Variants in MRTFB observed in about 807,000 individuals in gnomAD.
The protein encoded by MRTFB is myocardin-related transcription factor B.
MRTFB carries 29 observed loss-of-function variants against 104.2 expected under a neutral mutation model. The ratio of observed to expected loss-of-function variants is 0.28; its 90% CI spans 0.21 to 0.38. The LOEUF is 0.38. Ranked by LOEUF, MRTFB falls within the 10% of genes least tolerant of loss-of-function variation. The pLI is 1.00. For synonymous variants in MRTFB, 535 were observed against 519.5 expected, an observed-to-expected ratio of 1.03 and a Z score of -0.41; for missense variants, 1,270 against 1,341.6, an observed-to-expected ratio of 0.95 and a Z score of 0.83.
the MRTFB span, among the ~76,000 whole-genome samples, chr16:14,034,286 C>T: frequency 6.6e-6 from 1 of 152,338 alleles, no homozygotes; most frequent in African/African-American, 2.4e-5. Context: ...TCTCTTCCAG[C>T]TTCTGGTAGC....
intron 2 of MRTFB, among the ~76,000 whole-genome samples, chr16:14,123,767 A>G (rs1054947678): frequency 3.9e-5 from 6 of 152,178 alleles, no homozygotes; most frequent in African/African-American, 1.4e-4. Context: ...TTTGGGTTCC[A>G]TATGAAGTTT....
chr16:14,089,737 C>T (rs1212858553), intron 2 of MRTFB, among the ~76,000 whole-genome samples: 1 of 152,152 alleles, frequency 6.6e-6, no homozygotes, highest in African/African-American at 2.4e-5. Context: ...TGTGAAGGTG[C>T]ACCTTTTTTG....
At chr16:14,228,382 C>G (rs2042103780) in intron 8 of MRTFB, among the ~76,000 whole-genome samples, 1 of 152,172 alleles carries the variant, frequency 6.6e-6, no homozygotes, top group Admixed American at 6.5e-5. Flanking sequence ...CGAGACCATC[C>G]TGGCCAACAT....
chr16:14,017,210 C>G, the MRTFB span, among the ~76,000 whole-genome samples: 19 of 152,060 alleles, frequency 1.2e-4, no homozygotes, highest in East Asian at 1.9e-4. Flanking sequence ...GCGCCCGCCA[C>G]CACACCCGGC....
At chr16:14,001,139 C>CA in the MRTFB span, among the ~76,000 whole-genome samples, 3 of 152,236 alleles carry the variant, frequency 2.0e-5, no homozygotes, top group Middle Eastern at 3.2e-3. Flanking sequence ...TGCAATGAGC[C>CA]ATTTCATCAG....
intron 3 of MRTFB, among the ~76,000 whole-genome samples, chr16:14,208,770 A>G (rs1275133115): frequency 2.6e-5 from 4 of 152,356 alleles, no homozygotes; most frequent in East Asian, 3.9e-4. Context: ...GGAACATACT[A>G]TCCTCAATCA....
intron 3 of MRTFB, among the ~76,000 whole-genome samples, chr16:14,193,446 G>C (rs2040285242): frequency 6.6e-6 from 1 of 152,024 alleles, no homozygotes; most frequent in African/African-American, 2.4e-5. Flanking sequence ...AGCACCTGCA[G>C]CTCACCCTTT....
chr16:14,166,882 TACC>T (rs1302558696), intron 3 of MRTFB, among the ~76,000 whole-genome samples: 13 of 152,232 alleles, frequency 8.5e-5, no homozygotes, highest in African/African-American at 3.1e-4. Flanking sequence ...GGTGTGTATG[TACC>T]ACATTTTCTT....
intron 11 of MRTFB, 23 bp from the exon 12 acceptor site, chr16:14,246,450 A>G (rs577783473): frequency 3.7e-6 from 6 of 1,608,928 alleles, no homozygotes; most frequent in Middle Eastern, 3.3e-4. Context: ...ATACTAAGAT[A>G]TCTGCTTTGT....
At chr16:14,090,880 GT>G (rs2035018341) in intron 2 of MRTFB, among the ~76,000 whole-genome samples, 2 of 2,636 alleles carry the variant, frequency 7.6e-4, no homozygotes, top group Admixed American at 4.2e-3. Context: ...GTTCAGCATG[GT>G]GTGTGTGTGT....
At chr16:14,072,627 G>T (rs1267902850) in intron 1 of MRTFB, among the ~76,000 whole-genome samples, 1 of 152,200 alleles carries the variant, frequency 6.6e-6, no homozygotes, top group East Asian at 1.9e-4. Context: ...AAAGGCTGCA[G>T]TGAGCTGTGA....
chr16:14,224,422 A>G (rs1219212145), intron 8 of MRTFB, among the ~76,000 whole-genome samples: 6 of 152,188 alleles, frequency 3.9e-5, no homozygotes, highest in Non-Finnish European at 8.8e-5. Flanking sequence ...TTTTTAAAAT[A>G]CTACACCTGT....
At chr16:14,199,591 G>T (rs2040593142) in intron 3 of MRTFB, among the ~76,000 whole-genome samples, 1 of 152,146 alleles carries the variant, frequency 6.6e-6, no homozygotes, top group Admixed American at 6.5e-5. Context: ...TCATCTTTGT[G>T]ACCTCTTCCT....
chr16:14,143,003 T>C (rs1484926206), intron 3 of MRTFB: 1 of 152,152 alleles, frequency 6.6e-6, no homozygotes, highest in Non-Finnish European at 1.5e-5. Flanking sequence ...CTACTCAAAG[T>C]CTATATGTGA....
the MRTFB span, among the ~76,000 whole-genome samples, chr16:14,026,116 C>T: frequency 6.6e-6 from 1 of 151,880 alleles, no homozygotes; most frequent in East Asian, 1.9e-4. Flanking sequence ...TAGATGTAAA[C>T]AATATGATTA....
At chr16:14,110,537 C>T (rs1043119154) in intron 2 of MRTFB, among the ~76,000 whole-genome samples, 1 of 152,080 alleles carries the variant, frequency 6.6e-6, no homozygotes, top group Non-Finnish European at 1.5e-5. Flanking sequence ...CCTCAGAGGT[C>T]CTGGCCCCTT....
At chr16:14,065,718 G>A in the MRTFB span, among the ~76,000 whole-genome samples, 3 of 151,934 alleles carry the variant, frequency 2.0e-5, no homozygotes, top group East Asian at 1.9e-4. Flanking sequence ...GCACTCCAGC[G>A]TGGGCAACAT....
intron 3 of MRTFB, among the ~76,000 whole-genome samples, chr16:14,184,957 G>A (rs1203149088): frequency 1.3e-5 from 2 of 152,106 alleles, no homozygotes; most frequent in Admixed American, 6.5e-5. Context: ...CAATTGTGGA[G>A]GGTTAAATTA....
chr16:14,239,002 G>A (rs570536485), intron 9 of MRTFB, among the ~76,000 whole-genome samples: 9 of 152,256 alleles, frequency 5.9e-5, no homozygotes, highest in East Asian at 1.9e-4. Flanking sequence ...TCAGGCTACC[G>A]GTGTGATATT....
Sources: gnomAD v4.1 joint callset for allele counts (sites outside exome capture counted in the v4.1 genomes callset) on GRCh38, gnomAD v4.1.1 for gene constraint, MANE v1.5 for transcripts, NCBI Gene and HGNC (gene_info 2026-07-23, HGNC 2026-07-21) for gene names.